SLC6A15: variants seen among roughly 807,000 people sequenced by gnomAD.
SLC6A15 encodes solute carrier family 6 member 15.
In SLC6A15, 33 loss-of-function variants were observed where a neutral mutation model predicts 68.5. That is an observed-to-expected ratio of 0.48 (90% CI 0.37 to 0.64). The LOEUF is 0.64. Among genes scored for constraint, SLC6A15 ranks in the 30% least tolerant of loss-of-function variants. The pLI is 0.00. For synonymous variants in SLC6A15, 347 were observed against 301.0 expected (o/e 1.15, Z -1.58); for missense variants, 747 against 874.3 (o/e 0.85, Z 1.84).
At chr12:84,911,915 T>C (rs756250728) in intron 1 of SLC6A15, 1 of 151,966 alleles carries the variant, frequency 6.6e-6, no homozygotes, top group Non-Finnish European at 1.5e-5. Context: ...AGGCCCCCTT[T>C]CGGGCCATTT....
At chr12:84,880,511 G>A (rs370216512) in intron 5 of SLC6A15, among the ~76,000 whole-genome samples, 48 of 152,234 alleles carry the variant, frequency 3.2e-4, no homozygotes, top group African/African-American at 1.1e-3. Flanking sequence ...AACTCCATGA[G>A]GACAGGCACA....
At position 84,867,031 on chromosome 12, in the gene SLC6A15, T is replaced by TA; in HGVS notation, c.1655+2dup. On this transcript the variant is annotated splice_region_variant and intron_variant, in intron 10 of 11. Transcript: ENST00000266682. Reference sequence around the variant, plus strand: ...GTGAATACATAAAAGCAAATATACTTACTTATCTATGCCATAAACAAAGCA... The same window carrying TA: ...GTGAATACATAAAAGCAAATATACTTAACTTATCTATGCCATAAACAAAGCA... 1 of 1,581,678 alleles carries TA rather than the reference T, an allele frequency of 6.3e-7. No homozygotes were observed. Among genetic ancestry groups the TA allele is most frequent in the Non-Finnish European group, 8.6e-7 (1 of 1,166,768 alleles).
chr12:84,881,760 A>C (rs1244601287), intron 5 of SLC6A15: 1 of 905,668 alleles, frequency 1.1e-6, no homozygotes, highest in Non-Finnish European at 1.3e-6. Context: ...ATTTGGAGGC[A>C]TTTTCTGTTT....
chr12:84,883,163 A>T (rs1256720415), intron 5 of SLC6A15: 1 of 985,168 alleles, frequency 1.0e-6, no homozygotes, highest in Non-Finnish European at 1.2e-6. Flanking sequence ...AAAAAAAAAA[A>T]AAAAAGTAAT....
chr12:84,879,490 C>T (rs112510185), intron 5 of SLC6A15, among the ~76,000 whole-genome samples: 6,209 of 151,560 alleles, frequency 0.041, 436 homozygotes, highest in African/African-American at 0.14. Context: ...CATGCCCGGA[C>T]AATTTTTTGT....
At chr12:84,911,096 T>C (rs1873429743) in intron 1 of SLC6A15, among the ~76,000 whole-genome samples, 1 of 152,184 alleles carries the variant, frequency 6.6e-6, no homozygotes, top group Non-Finnish European at 1.5e-5. Context: ...AGCAATGATC[T>C]TGCAGAAATG....
intron 4 of SLC6A15, among the ~76,000 whole-genome samples, chr12:84,884,545 C>T (rs1871991375): frequency 6.6e-6 from 1 of 152,038 alleles, no homozygotes; most frequent in Non-Finnish European, 1.5e-5. Context: ...ACCTCAGGGG[C>T]TCTACCTGCC....
chr12:84,887,783 C>T (rs1053735224), intron 2 of SLC6A15, among the ~76,000 whole-genome samples: 13 of 152,040 alleles, frequency 8.6e-5, no homozygotes, highest in African/African-American at 3.1e-4. Context: ...GGGTGACATG[C>T]TGTTGGATAC....
intron 1 of SLC6A15, among the ~76,000 whole-genome samples, chr12:84,908,213 G>A (rs550951171): frequency 2.6e-5 from 4 of 152,166 alleles, no homozygotes; most frequent in African/African-American, 9.6e-5. Context: ...AGAACTCTCT[G>A]TGTTATTTCT....
At chr12:84,869,713 T>C (rs917505514) in intron 9 of SLC6A15, among the ~76,000 whole-genome samples, 4 of 152,170 alleles carry the variant, frequency 2.6e-5, no homozygotes, top group African/African-American at 9.6e-5. Context: ...CTCTGACAGT[T>C]CCATCGTATA....
chr12:84,877,314 C>G (rs1871593347), intron 5 of SLC6A15, among the ~76,000 whole-genome samples: 1 of 152,156 alleles, frequency 6.6e-6, no homozygotes, highest in Non-Finnish European at 1.5e-5. Context: ...ACCCTCCATC[C>G]CATTAGTAAA....
intron 5 of SLC6A15, among the ~76,000 whole-genome samples, chr12:84,880,331 A>G (rs887956217): frequency 1.3e-5 from 2 of 152,220 alleles, no homozygotes; most frequent in African/African-American, 2.4e-5. Context: ...ATATGGCTCT[A>G]ATCTTATTAG....
rs551908440 is a variant in SLC6A15 at position 84,874,594 on chromosome 12, T to C, written c.868-1266A>G. 4 of 152,362 alleles carry C rather than the reference T, an allele frequency of 2.6e-5. No individual in the cohort carries two copies. The East Asian group carries it at 7.7e-4, about 29-fold the overall frequency. The allele number at this position is 152,362 out of a possible 1,614,324, so 9.4% of individuals were successfully genotyped here. A position where few individuals can be genotyped will look rare whatever the true frequency, so the allele number is the denominator to read the frequency against. ...ATGTATTGCTTCAACTAATTTTGGT[T>C]ATTAAAATCTATGAAATATGCTTAT... On this transcript the variant is annotated intron_variant, in intron 6 of 11. Transcript: ENST00000266682.
Position 84,891,279 on chromosome 12 carries a change from C to T in SLC6A15, c.289+553G>A, listed in dbSNP as rs1565729341. On this transcript the variant is annotated intron_variant, in intron 2 of 11. Coordinates refer to ENST00000266682, the MANE Select transcript of SLC6A15 (RefSeq NM_182767.6). The stretch of plus-strand genomic sequence containing the variant: ...AACTGGAAAGGAAATGCATAAAATG[C>T]CTAAGAATGAAGAATGTCTAGCATT... Among the ~76,000 whole-genome samples, 5 of 152,088 alleles carry T rather than the reference C, an allele frequency of 3.3e-5. No individual in the cohort carries two copies. In the South Asian group the frequency reaches 1.0e-3, roughly 32 times the overall value.
At chr12:84,900,906 ATG>A (rs1872833843) in intron 1 of SLC6A15, among the ~76,000 whole-genome samples, 2 of 129,808 alleles carry the variant, frequency 1.5e-5, no homozygotes, top group Non-Finnish European at 3.2e-5. Flanking sequence ...GTGTATAGAT[ATG>A]TATATATATA....
At chr12:84,872,243 T>A (rs939528776) in intron 8 of SLC6A15, among the ~76,000 whole-genome samples, 7 of 151,814 alleles carry the variant, frequency 4.6e-5, no homozygotes, top group Non-Finnish European at 7.4e-5. Context: ...ATCAAAGCAA[T>A]CATGTATGTG....
At chr12:84,862,436 T>A (rs145641121) in intron 11 of SLC6A15, among the ~76,000 whole-genome samples, 1 of 152,342 alleles carries the variant, frequency 6.6e-6, no homozygotes, top group East Asian at 1.9e-4. Flanking sequence ...ACCTCTTAAA[T>A]GTGTCATATA....
chr12:84,867,462 A>T (rs2120548532), intron 9 of SLC6A15: 1 of 218,124 alleles, frequency 4.6e-6, no homozygotes, highest in South Asian at 1.8e-4. Flanking sequence ...ATAATAAATG[A>T]GTCAAAGTTT....
chr12:84,898,221 G>A (rs1014495188), intron 1 of SLC6A15, among the ~76,000 whole-genome samples: 7 of 152,188 alleles, frequency 4.6e-5, no homozygotes, highest in African/African-American at 1.7e-4. Flanking sequence ...TGCACCTTTA[G>A]TCCCAGCTAC....
Sources: allele counts gnomAD v4.1 joint callset (sites outside exome capture counted in the v4.1 genomes callset), GRCh38; gene constraint gnomAD v4.1.1; transcripts MANE v1.5; gene names NCBI Gene and HGNC (gene_info 2026-07-23, HGNC 2026-07-21).